The following RNF13 variants were observed in gnomAD, a reference collection of about 807,000 sequenced individuals.
RNF13 encodes ring finger protein 13, also known as E3 ubiquitin-protein ligase RNF13.
A neutral mutation model predicts 37.7 loss-of-function variants in RNF13; 19 were observed. That is an observed-to-expected ratio of 0.50 (90% confidence interval 0.35 to 0.74). The LOEUF is 0.74. Ranked by LOEUF, RNF13 falls within the 30% of genes least tolerant of loss-of-function variation. RNF13 has a pLI of 0.01. For synonymous variants in RNF13, 144 were observed against 157.8 expected, an observed-to-expected ratio of 0.91 and a Z score of 0.65; for missense variants, 375 against 453.0, an observed-to-expected ratio of 0.83 and a Z score of 1.56.
At chr3:149,822,765 T>C (rs551404402) in intron 1 of RNF13, among the ~76,000 whole-genome samples, 2 of 152,260 alleles carry the variant, frequency 1.3e-5, no homozygotes, top group South Asian at 4.1e-4. Context: ...TAATTCATTT[T>C]CAAAGTTACA....
intron 1 of RNF13, among the ~76,000 whole-genome samples, chr3:149,843,931 C>G (rs1722403028): frequency 6.6e-6 from 1 of 152,172 alleles, no homozygotes; most frequent in East Asian, 1.9e-4. Flanking sequence ...AGTAAGAGAT[C>G]AGTATTAGTT....
At chr3:149,876,582 A>G (rs1301959665) in intron 4 of RNF13, among the ~76,000 whole-genome samples, 4 of 152,014 alleles carry the variant, frequency 2.6e-5, no homozygotes, top group Admixed American at 2.0e-4. Flanking sequence ...CCACCTCGTA[A>G]GAATTTACAA....
intron 1 of RNF13, among the ~76,000 whole-genome samples, chr3:149,816,911 A>T (rs1431134659): frequency 6.6e-6 from 1 of 152,210 alleles, no homozygotes; most frequent in Non-Finnish European, 1.5e-5. Context: ...TGACATTATA[A>T]TGACATTGAC....
At chr3:149,826,191 G>T (rs970750826) in intron 1 of RNF13, among the ~76,000 whole-genome samples, 2 of 152,154 alleles carry the variant, frequency 1.3e-5, no homozygotes, top group African/African-American at 4.8e-5. Flanking sequence ...ATGGAATGCT[G>T]GTAATCCATG....
At chr3:149,914,299 CA>C (rs1389740216) in intron 7 of RNF13, among the ~76,000 whole-genome samples, 1 of 151,760 alleles carries the variant, frequency 6.6e-6, no homozygotes, top group Non-Finnish European at 1.5e-5. Context: ...GACCTTTTCC[CA>C]GGGAGTCATG....
intron 1 of RNF13, among the ~76,000 whole-genome samples, chr3:149,831,990 T>C (rs981533918): frequency 2.6e-5 from 4 of 152,222 alleles, no homozygotes; most frequent in African/African-American, 7.2e-5. Flanking sequence ...AAATGATGTG[T>C]GACTGGCTAT....
Position 149,902,150 on chromosome 3 carries a change from C to A in RNF13, c.488C>A (p.Thr163Lys). The A allele has an allele frequency of 1.3e-6, 2 of 1,493,338 alleles. No homozygotes were observed. The highest frequency in any genetic ancestry group is 2.3e-5 in the Admixed American group (1 of 43,972). 92.5% of individuals were successfully genotyped at this position (1,493,338 alleles called of 1,614,324 possible). ...GCTAATTCTCTGAAAGATGAATTCA[C>A]ATATGAAAAAGGGTAAGTAATGGAT... Reference protein sequence around the residue: ...SSANSLKDEFTYEKGGHLILV... With the variant: ...SSANSLKDEFKYEKGGHLILV... Residue 163 changes from threonine to lysine, a missense_variant, in exon 6 of 10, where the codon ACA (threonine) becomes AAA (lysine). By Grantham distance (78) the Thr-to-Lys change is moderately conservative. Transcript: ENST00000392894.
chr3:149,948,519 TGG>T (rs1721000299), intron 8 of RNF13, among the ~76,000 whole-genome samples: 1 of 152,194 alleles, frequency 6.6e-6, no homozygotes, highest in African/African-American at 2.4e-5. Context: ...ATCTTCCTTA[TGG>T]TTACCCTTGC....
chr3:149,872,574 G>A (rs1712200846), intron 4 of RNF13, among the ~76,000 whole-genome samples: 1 of 152,134 alleles, frequency 6.6e-6, no homozygotes, highest in South Asian at 2.1e-4. Context: ...GTAAAACAAG[G>A]TTTACCCACC....
At chr3:149,861,405 TA>T in intron 3 of RNF13, among the ~76,000 whole-genome samples, 1 of 152,204 alleles carries the variant, frequency 6.6e-6, no homozygotes, top group East Asian at 1.9e-4. Flanking sequence ...ATGAATGGAT[TA>T]AAAAAAGTAT....
At chr3:149,841,046 G>A (rs1213586850) in intron 1 of RNF13, among the ~76,000 whole-genome samples, 3 of 152,164 alleles carry the variant, frequency 2.0e-5, no homozygotes, top group African/African-American at 4.8e-5. Flanking sequence ...AGACACTGTA[G>A]GGAATCAGAG....
chr3:149,833,001 G>A (rs1338070743), intron 1 of RNF13, among the ~76,000 whole-genome samples: 6 of 152,000 alleles, frequency 3.9e-5, no homozygotes, highest in Non-Finnish European at 7.4e-5. Flanking sequence ...CTGATAAAGA[G>A]GGAACACCTC....
At chr3:149,930,857 A>G (rs1159057278) in intron 8 of RNF13, among the ~76,000 whole-genome samples, 1 of 152,168 alleles carries the variant, frequency 6.6e-6, no homozygotes, top group Non-Finnish European at 1.5e-5. Flanking sequence ...AGAATTGTTT[A>G]GTATTCCTTT....
chr3:149,858,206 A>G (rs2108405760), intron 3 of RNF13, among the ~76,000 whole-genome samples: 1 of 152,304 alleles, frequency 6.6e-6, no homozygotes, highest in South Asian at 2.1e-4. Flanking sequence ...TGAGCTAAAT[A>G]AAACTCCTTC....
chr3:149,875,600 A>G (rs1043764021), intron 4 of RNF13, among the ~76,000 whole-genome samples: 114 of 152,322 alleles, frequency 7.5e-4, no homozygotes, highest in Non-Finnish European at 2.9e-4. Context: ...TGCTTTCCAA[A>G]TAAAGAGAGC....
At chr3:149,842,318 A>G (rs1031292138) in intron 1 of RNF13, among the ~76,000 whole-genome samples, 1 of 152,058 alleles carries the variant, frequency 6.6e-6, no homozygotes, top group African/African-American at 2.4e-5. Flanking sequence ...TTACTTTCTC[A>G]CTGTGGTCTT....
chr3:149,834,386 G>T (rs2108346740), intron 1 of RNF13, among the ~76,000 whole-genome samples: 1 of 152,322 alleles, frequency 6.6e-6, no homozygotes, highest in African/African-American at 2.4e-5. Context: ...CTGGTGTAAA[G>T]ATAGACATAT....
At chr3:149,841,220 G>C (rs934146830) in intron 1 of RNF13, among the ~76,000 whole-genome samples, 1 of 152,146 alleles carries the variant, frequency 6.6e-6, no homozygotes, top group Non-Finnish European at 1.5e-5. Context: ...TTAAGTGCTA[G>C]AAGATGATAT....
intron 3 of RNF13, among the ~76,000 whole-genome samples, chr3:149,861,705 C>A (rs1203268340): frequency 1.3e-5 from 2 of 151,970 alleles, no homozygotes; most frequent in Non-Finnish European, 2.9e-5. Flanking sequence ...GGTATAAGTT[C>A]TAATGTTTGA....
Sources: allele counts gnomAD v4.1 joint callset (sites outside exome capture counted in the v4.1 genomes callset), GRCh38; gene constraint gnomAD v4.1.1; transcripts MANE v1.5; gene names NCBI Gene and HGNC (gene_info 2026-07-23, HGNC 2026-07-21).